Variants in TTC38 observed in about 807,000 individuals in gnomAD.
TTC38 encodes tetratricopeptide repeat protein 38.
TTC38 carries 64 observed loss-of-function variants against 64.2 expected under a neutral mutation model. The ratio of observed to expected loss-of-function variants is 1.00; its 90% CI spans 0.81 to 1.23. The LOEUF (loss-of-function observed/expected upper bound fraction) is 1.23. Among genes scored for constraint, TTC38 ranks in the 50% most tolerant of loss-of-function variants. TTC38 has a pLI of 0.00. For missense variants in TTC38, 573 were observed against 615.5 expected, an observed-to-expected ratio of 0.93 and a Z score of 0.73; for synonymous variants, 254 against 249.3, an observed-to-expected ratio of 1.02 and a Z score of -0.18.
chr22:46,274,103 C>G lies in TTC38; in HGVS notation c.365+34C>G. The stretch of plus-strand genomic sequence containing the variant: ...CCTCCCTGGGCTGGGAGCTGGCACC[C>G]TGAGGCTGAGCTGGGGGAGTGGCAG... On this transcript the variant is annotated intron_variant, in intron 4 of 13. Transcript: ENST00000381031. This position sits in a 1 kb window ranked among gnomAD's most constrained non-coding sequence, Gnocchi z 4.8. 6.6e-7 allele frequency: 1 copy of G among 1,507,836 alleles called. No homozygotes were observed. The allele number at this position is 1,507,836 out of a possible 1,614,324, so 93.4% of individuals were successfully genotyped here.
At chr22:46,268,382 C>A in intron 1 of TTC38, 132 bp from the exon 2 acceptor site, 1 of 995,418 alleles carries the variant, frequency 1.0e-6, no homozygotes, top group East Asian at 2.6e-5. Flanking sequence ...GGAACCGGCC[C>A]AGGACTGGGA....
chr22:46,268,232 G>A (rs1015415087), intron 1 of TTC38, among the ~76,000 whole-genome samples, 160 bp downstream of exon 1: 1 of 152,244 alleles, frequency 6.6e-6, no homozygotes, highest in African/African-American at 2.4e-5. Flanking sequence ...GGGACCCGAG[G>A]CCCTTCTTGT....
rs2077553895 is a variant in TTC38 at position 46,284,003 on chromosome 22, T to C, written c.766T>C (p.Trp256Arg). 6.8e-6 allele frequency: 11 copies of C among 1,609,246 alleles called. No individual in the cohort carries two copies. Among genetic ancestry groups the C allele is most frequent in the Non-Finnish European group, 9.3e-6 (11 of 1,179,006 alleles). Residue 256 changes from tryptophan to arginine, a missense_variant, in exon 8 of 14, where the codon TGG becomes CGG. Coordinates refer to ENST00000381031, the MANE Select transcript of TTC38 (RefSeq NM_017931.4). ...DSDMLACHNYWHWALYLIEKG... is the reference protein window; with the variant it reads ...DSDMLACHNYRHWALYLIEKG... The stretch of plus-strand genomic sequence containing the variant: ...TGATATGTTGGCTTGTCATAACTAT[T>C]GGCACTGGGCTTTATATCTGATTGA...
chr22:46,277,605 CAAAAAAAA>C (rs130643), intron 5 of TTC38, among the ~76,000 whole-genome samples: 10 of 66,540 alleles, frequency 1.5e-4, no homozygotes, highest in African/African-American at 2.8e-4. Context: ...ACTCTGTCTC[CAAAAAAAA>C]AAAAAAAAAA....
chr22:46,289,689 C>A lies in TTC38; in HGVS notation c.1242+128C>A, dbSNP rs1423219587. ...GGGTGTGAACGTGTCTCTCACACTC[C>A]CGCCGTGTAAGTTCGTCGTTGAGGG... On this transcript the variant is annotated intron_variant, in intron 12 of 13. Transcript: ENST00000381031. 4 of 1,452,688 alleles carry A rather than the reference C, an allele frequency of 2.8e-6. No homozygotes were observed. The African/African-American group carries it at 5.6e-5, about 20-fold the overall frequency. 90.0% of individuals were successfully genotyped at this position (1,452,688 alleles called of 1,614,324 possible).
chr22:46,268,011 G>C lies in TTC38; in HGVS notation c.-29G>C, dbSNP rs1424583345. The C allele has an allele frequency of 6.5e-7, 1 of 1,527,800 alleles. No individual in the cohort carries two copies. Among genetic ancestry groups the C allele is most frequent in the Admixed American group, 2.0e-5 (1 of 50,486 alleles). The allele number at this position is 1,527,800 out of a possible 1,614,324, so 94.6% of individuals were successfully genotyped here. On this transcript the variant is annotated 5_prime_UTR_variant, in exon 1 of 14. Coordinates refer to ENST00000381031, the MANE Select transcript of TTC38 (RefSeq NM_017931.4). ...TCCCAGGAAGGCCCGGGTGCCCAGA[G>C]CTCGCGGTGGACTCCGACCCGGCGC...
intron 6 of TTC38, among the ~76,000 whole-genome samples, chr22:46,280,617 C>G (rs563421244): frequency 6.6e-6 from 1 of 152,256 alleles, no homozygotes; most frequent in African/African-American, 2.4e-5. Flanking sequence ...CCTACAGACA[C>G]ACTTTCTTTC....
chr22:46,269,096 C>T (rs12483877), intron 2 of TTC38: 41 of 416,530 alleles, frequency 9.8e-5, no homozygotes, highest in East Asian at 5.7e-4. Context: ...CTGCCCCCCC[C>T]CCACAGCGTC....
chr22:46,284,832 G>T (rs1300702555), intron 8 of TTC38, among the ~76,000 whole-genome samples: 1 of 130,428 alleles, frequency 7.7e-6, no homozygotes, highest in Non-Finnish European at 1.5e-5. Context: ...TTGTGCCACT[G>T]CACTCCAGCC....
intron 11 of TTC38, among the ~76,000 whole-genome samples, chr22:46,288,809 C>G (rs10854854): frequency 0.073 from 11,099 of 152,296 alleles, 537 homozygotes; most frequent in Non-Finnish European, 0.11. Flanking sequence ...CTGGTTGCCC[C>G]AAGACACAGA....
At position 46,273,480 on chromosome 22, in the gene TTC38, A is replaced by G. The variant is rs879311074; in HGVS notation, c.194-418A>G. Reference sequence around the variant, plus strand: ...CTTTTAGCATGTGTGAGCAGCACAGATGGGATCATGACTTCTGTGCTCCGG... The same window carrying G: ...CTTTTAGCATGTGTGAGCAGCACAGGTGGGATCATGACTTCTGTGCTCCGG... On this transcript the variant is annotated intron_variant, in intron 3 of 13. Transcript: ENST00000381031. This position sits in a 1 kb window ranked among gnomAD's most constrained non-coding sequence, Gnocchi z 5.1. Among the ~76,000 whole-genome samples, 7 of 152,206 alleles carry G rather than the reference A, an allele frequency of 4.6e-5. No individual in the cohort carries two copies. The highest frequency in any genetic ancestry group is 8.8e-5 in the Non-Finnish European group (6 of 68,026).
chr22:46,276,760 A>C lies in TTC38; in HGVS notation c.539+1339A>C, dbSNP rs1379924758. On this transcript the variant is annotated intron_variant, in intron 5 of 13. Coordinates refer to ENST00000381031, the MANE Select transcript of TTC38 (RefSeq NM_017931.4). The surrounding 1 kb of genome is among the most constrained non-coding windows in gnomAD (Gnocchi z 4.7). The stretch of plus-strand genomic sequence containing the variant: ...AAATATATATAAAATACATATATTA[A>C]AAATATATATTAAATATATATTAAA... Among the ~76,000 whole-genome samples, 1 of 140,020 alleles carries C rather than the reference A, an allele frequency of 7.1e-6. No homozygotes were observed. The highest frequency in any genetic ancestry group is 7.1e-5 in the Admixed American group (1 of 13,994). 91.9% of individuals were successfully genotyped at this position (140,020 alleles called of 152,430 possible).
chr22:46,288,216 C>T lies in TTC38; in HGVS notation c.917-207C>T, dbSNP rs138340522. 2.8e-3 allele frequency among the ~76,000 whole-genome samples: 420 copies of T among 152,306 alleles called. 2 individuals carry two copies. The highest frequency in any genetic ancestry group is 9.6e-3 in the African/African-American group (399 of 41,570). ...CTTTTTAAAATGTGCTTCCTACTTA[C>T]GCGTCTATGGCCTCTATAATTAGAC... On this transcript the variant is annotated intron_variant, in intron 10 of 13. Transcript: ENST00000381031.
At chr22:46,279,952 A>C (rs1370490823) in intron 6 of TTC38, 1 of 368,550 alleles carries the variant, frequency 2.7e-6, no homozygotes, top group South Asian at 2.1e-5. Context: ...AGTCCCCCGC[A>C]CTGAGGGTGG....
chr22:46,269,204 T>C, intron 2 of TTC38: 1 of 347,840 alleles, frequency 2.9e-6, no homozygotes, highest in South Asian at 2.1e-5. Context: ...GATGCTGGCC[T>C]CCCCGGGCCT....
chr22:46,289,920 C>G (rs368933250), intron 13 of TTC38, 21 bp downstream of exon 13: 1 of 1,610,896 alleles, frequency 6.2e-7, no homozygotes, highest in South Asian at 1.1e-5. Context: ...GGCCCCTGCC[C>G]AGCACTCCCG....
rs1056977219 is a variant in TTC38 at position 46,276,604 on chromosome 22, G to A, written c.539+1183G>A. ...TTCCGGCTACTCAGGAGGCTGTGGC[G>A]GGAGGTTCCCTTGAGCCCAGGAGTT... On this transcript the variant is annotated intron_variant, in intron 5 of 13. Coordinates refer to ENST00000381031, the MANE Select transcript of TTC38 (RefSeq NM_017931.4). The surrounding 1 kb of genome is among the most constrained non-coding windows in gnomAD (Gnocchi z 4.7). Among the ~76,000 whole-genome samples, 6 of 151,448 alleles carry A rather than the reference G, an allele frequency of 4.0e-5. No homozygotes were observed. Among genetic ancestry groups the A allele is most frequent in the Non-Finnish European group, 8.8e-5 (6 of 67,930 alleles).
chr22:46,286,031 A>AAAAAAAAAT (rs1273530304), intron 9 of TTC38, among the ~76,000 whole-genome samples: 1 of 151,204 alleles, frequency 6.6e-6, no homozygotes, highest in Non-Finnish European at 1.5e-5. Context: ...AAAAAAAAAA[A>AAAAAAAAAT]GTGTATAGCT....
chr22:46,276,865 C>T lies in TTC38; in HGVS notation c.539+1444C>T, dbSNP rs998126588. Among the ~76,000 whole-genome samples, 7 of 140,474 alleles carry T rather than the reference C, an allele frequency of 5.0e-5. No individual in the cohort carries two copies. Among genetic ancestry groups the T allele is most frequent in the Non-Finnish European group, 1.5e-5 (1 of 66,490 alleles). The allele number at this position is 140,474 out of a possible 152,430, so 92.2% of individuals were successfully genotyped here. A position where few individuals can be genotyped will look rare whatever the true frequency, so the allele number is the denominator to read the frequency against. Reference sequence around the variant, plus strand: ...TAAACATATATATATATAAAAAATACTTTCACCGCAACACCTAGACTGGTG... The same window carrying T: ...TAAACATATATATATATAAAAAATATTTTCACCGCAACACCTAGACTGGTG... On this transcript the variant is annotated intron_variant, in intron 5 of 13. Coordinates refer to ENST00000381031, the MANE Select transcript of TTC38 (RefSeq NM_017931.4). This position sits in a 1 kb window ranked among gnomAD's most constrained non-coding sequence, Gnocchi z 4.7.
Sources: allele counts gnomAD v4.1 joint callset (sites outside exome capture counted in the v4.1 genomes callset), GRCh38; gene constraint gnomAD v4.1.1; non-coding constraint Gnocchi (gnomAD v3.1); transcripts MANE v1.5; gene names NCBI Gene and HGNC (gene_info 2026-07-23, HGNC 2026-07-21).